The following RPA3 variants were observed in gnomAD, a reference collection of about 807,000 sequenced individuals.
RPA3 encodes the protein replication protein A 14 kDa subunit.
RPA3 carries 24 observed loss-of-function variants against 13.7 expected under a neutral mutation model. The ratio of observed to expected loss-of-function variants is 1.75; its 90% CI spans 1.27 to 2.46. The LOEUF (loss-of-function observed/expected upper bound fraction) is 2.46. Among genes scored for constraint, RPA3 ranks in the 30% most tolerant of loss-of-function variants. The pLI, the probability that RPA3 is intolerant of heterozygous loss-of-function variation, is 0.00. For missense variants in RPA3, 183 were observed against 151.0 expected, an observed-to-expected ratio of 1.21 and a Z score of -1.11; for synonymous variants, 59 against 51.2, an observed-to-expected ratio of 1.15 and a Z score of -0.65.
At position 7,715,195 on chromosome 7, in the gene RPA3, G is replaced by A. The variant is rs1415947129; in HGVS notation, c.-1048C>T. 1 of 152,184 alleles carries A rather than the reference G, an allele frequency of 6.6e-6. No individual in the cohort carries two copies. The highest frequency in any genetic ancestry group is 1.5e-5 in the Non-Finnish European group (1 of 68,034). 9.4% of individuals were successfully genotyped at this position (152,184 alleles called of 1,614,324 possible). On this transcript the variant is annotated 5_prime_UTR_variant, in exon 2 of 8. Transcript: ENST00000223129. ...CTTACCTGAAACTATTGTATTCCCT[G>A]TGCATTGTCTTCACATCCTTTTTCT...
chr7:7,669,581 AG>A (rs1352091991), intron 4 of RPA3, among the ~76,000 whole-genome samples: 1 of 152,210 alleles, frequency 6.6e-6, no homozygotes, highest in African/African-American at 2.4e-5. Context: ...GACTGACCTT[AG>A]GTACCTAGTG....
rs2115536677 is a variant in RPA3, at chr7:7,636,740, A to G, written c.*260T>C. 1 of 356,924 alleles carries G rather than the reference A, an allele frequency of 2.8e-6. No individual in the cohort carries two copies. The allele number at this position is 356,924 out of a possible 1,614,324, so 22.1% of individuals were successfully genotyped here. On this transcript the variant is annotated 3_prime_UTR_variant, in exon 8 of 8. Coordinates refer to ENST00000223129, the MANE Select transcript of RPA3 (RefSeq NM_002947.5). The stretch of plus-strand genomic sequence containing the variant: ...AGTACGTACCATTTTAGTTTTTATT[A>G]ATAAAATAGAAACTTAGACTCGGAC...
At chr7:7,707,112 C>G (rs970953865) in intron 2 of RPA3, among the ~76,000 whole-genome samples, 3 of 152,030 alleles carry the variant, frequency 2.0e-5, no homozygotes, top group African/African-American at 7.2e-5. Flanking sequence ...ACTACCATTC[C>G]CTGGTTGGTA....
At chr7:7,659,584 G>T (rs1046605280) in intron 4 of RPA3, among the ~76,000 whole-genome samples, 1 of 152,176 alleles carries the variant, frequency 6.6e-6, no homozygotes, top group African/African-American at 2.4e-5. Context: ...TACAGGAGCA[G>T]GTTGTTCAGT....
chr7:7,715,592 T>C (rs1316328119), intron 1 of RPA3, among the ~76,000 whole-genome samples: 1 of 152,188 alleles, frequency 6.6e-6, no homozygotes, highest in African/African-American at 2.4e-5. Context: ...AAGAGCTCTG[T>C]TTTCATTCAA....
At chr7:7,650,670 A>T (rs28916282) in intron 4 of RPA3, among the ~76,000 whole-genome samples, 15 of 152,262 alleles carry the variant, frequency 9.9e-5, no homozygotes. Flanking sequence ...TAAGCTGGTT[A>T]AAGTGGCAAT....
Position 7,636,647 on chromosome 7 carries a change from T to G in RPA3, c.*353A>C, listed in dbSNP as rs1784872150. ...TATTTGGTAGGTCTAAATCTTGACCTTATGGCTATGAAATTTCAAGTTTGT... is the reference window on the plus strand; with the variant it reads ...TATTTGGTAGGTCTAAATCTTGACCGTATGGCTATGAAATTTCAAGTTTGT... On this transcript the variant is annotated 3_prime_UTR_variant, in exon 8 of 8. Coordinates refer to ENST00000223129, the MANE Select transcript of RPA3 (RefSeq NM_002947.5). 1 of 194,888 alleles carries G rather than the reference T, an allele frequency of 5.1e-6. No homozygotes were observed. Among genetic ancestry groups the G allele is most frequent in the Non-Finnish European group, 1.0e-5 (1 of 96,624 alleles). The allele number at this position is 194,888 out of a possible 1,614,324, so 12.1% of individuals were successfully genotyped here.
chr7:7,645,657 C>T (rs35402340), intron 4 of RPA3, among the ~76,000 whole-genome samples: 89,112 of 151,906 alleles, frequency 0.59, 27,820 homozygotes, highest in East Asian at 0.88. Context: ...TGAATTGTTA[C>T]GGAATTTGAT....
At chr7:7,704,547 A>G (rs1428669983) in intron 2 of RPA3, among the ~76,000 whole-genome samples, 1 of 149,048 alleles carries the variant, frequency 6.7e-6, no homozygotes, top group Non-Finnish European at 1.5e-5. Context: ...CAAAGTCAGG[A>G]GTTCAAGACT....
chr7:7,671,128 A>G (rs980426379), intron 4 of RPA3, among the ~76,000 whole-genome samples: 7 of 152,178 alleles, frequency 4.6e-5, no homozygotes, highest in Admixed American at 4.6e-4. Context: ...TTACTCTTTG[A>G]ATTGAGACCA....
chr7:7,705,554 C>A (rs1009804056), intron 2 of RPA3, among the ~76,000 whole-genome samples: 3 of 152,090 alleles, frequency 2.0e-5, no homozygotes, highest in African/African-American at 7.2e-5. Context: ...AAGTACTATG[C>A]TTGTGTAATC....
chr7:7,710,626 T>G (rs62432602), intron 2 of RPA3, among the ~76,000 whole-genome samples: 11,965 of 152,218 alleles, frequency 0.079, 558 homozygotes, highest in South Asian at 0.12. Context: ...GTACAATTAC[T>G]CTGGAAAATA....
chr7:7,678,573 T>C (rs1779814729), intron 4 of RPA3, among the ~76,000 whole-genome samples: 1 of 137,754 alleles, frequency 7.3e-6, no homozygotes, highest in African/African-American at 2.7e-5. Flanking sequence ...ACTTAATTTA[T>C]AGATAAATAT....
In RPA3 at chr7:7,678,107, A is replaced by G. The variant is rs959211977; in HGVS notation, c.-758+7723T>C. Reference sequence around the variant, plus strand: ...TCTTCTTTTGGGTATGTACCCAGCAATAGAATTGCTGTATCATATAGTAGT... The same window carrying G: ...TCTTCTTTTGGGTATGTACCCAGCAGTAGAATTGCTGTATCATATAGTAGT... On this transcript the variant is annotated intron_variant, in intron 4 of 7. Transcript: ENST00000223129. Among the ~76,000 whole-genome samples, 7 of 149,758 alleles carry G rather than the reference A, an allele frequency of 4.7e-5. No homozygotes were observed. In the South Asian group the frequency reaches 8.5e-4, roughly 18 times the overall value.
intron 4 of RPA3, among the ~76,000 whole-genome samples, chr7:7,641,974 G>A (rs1479108567): frequency 1.3e-5 from 2 of 152,228 alleles, no homozygotes; most frequent in African/African-American, 2.4e-5. Context: ...TTAAACAGAT[G>A]TAGAATGTGT....
chr7:7,637,359 CAA>C (rs1303313231), intron 7 of RPA3, among the ~76,000 whole-genome samples: 4 of 152,080 alleles, frequency 2.6e-5, no homozygotes, highest in Non-Finnish European at 5.9e-5. Flanking sequence ...GATATTACAA[CAA>C]AAAAACTAAT....
intron 4 of RPA3, among the ~76,000 whole-genome samples, chr7:7,683,735 G>C (rs914985777): frequency 1.3e-5 from 2 of 151,908 alleles, no homozygotes; most frequent in South Asian, 4.2e-4. Context: ...TGATTCTCCT[G>C]CCTCAGCCTC....
Position 7,718,507 on chromosome 7 carries a change from A to T in RPA3, c.-1080+8T>A, listed in dbSNP as rs957033630. The stretch of plus-strand genomic sequence containing the variant: ...CTATGTATCCAACAAATTCAAACAG[A>T]TACTTACAAAATTAAGACGATTGTA... On this transcript the variant is annotated splice_region_variant and intron_variant, in intron 1 of 7. Transcript: ENST00000223129. 1.3e-5 allele frequency: 2 copies of T among 152,232 alleles called. No individual in the cohort carries two copies. The highest frequency in any genetic ancestry group is 4.8e-5 in the African/African-American group (2 of 41,458). 9.4% of individuals were successfully genotyped at this position (152,232 alleles called of 1,614,324 possible).
intron 4 of RPA3, among the ~76,000 whole-genome samples, chr7:7,644,628 A>G (rs1050974003): frequency 2.0e-5 from 3 of 152,258 alleles, no homozygotes; most frequent in Middle Eastern, 3.4e-3. Flanking sequence ...ATTTGACTGT[A>G]TCACCTTTTT....
Sources: allele counts gnomAD v4.1 joint callset (sites outside exome capture counted in the v4.1 genomes callset), GRCh38; gene constraint gnomAD v4.1.1; transcripts MANE v1.5; gene names NCBI Gene and HGNC (gene_info 2026-07-23, HGNC 2026-07-21).